The following SPIDR variants were observed in gnomAD, a reference collection of about 807,000 sequenced individuals.
SPIDR encodes DNA repair-scaffolding protein.
SPIDR carries 93 observed loss-of-function variants against 104.6 expected under a neutral mutation model. The ratio of observed to expected loss-of-function variants is 0.89; its 90% CI spans 0.75 to 1.06. SPIDR has a LOEUF of 1.06. Ranked by LOEUF, SPIDR falls within the 50% of genes least tolerant of loss-of-function variation. The pLI, the probability that SPIDR is intolerant of heterozygous loss-of-function variation, is 0.00. For synonymous variants in SPIDR, 431 were observed against 416.9 expected (o/e 1.03, Z -0.41); for missense variants, 1,154 against 1,111.2 (o/e 1.04, Z -0.55).
intron 11 of SPIDR, among the ~76,000 whole-genome samples, chr8:47,693,994 G>T (rs16930230): frequency 6.6e-6 from 1 of 152,048 alleles, no homozygotes; most frequent in Non-Finnish European, 1.5e-5. Context: ...GCTCCTTTCC[G>T]GTCCAGAGAG....
chr8:47,358,448 A>C lies in SPIDR; in HGVS notation c.526-37928A>C, dbSNP rs138955818. 2.0e-5 allele frequency among the ~76,000 whole-genome samples: 3 copies of C among 152,230 alleles called. No homozygotes were observed. In the East Asian group the frequency reaches 5.8e-4, roughly 29 times the overall value. ...GAGAGATTATCTTATTTTTTTCTCA[A>C]ATACCTTATGTTAGAAATGATAAAT... On this transcript the variant is annotated intron_variant, in intron 5 of 19. Transcript: ENST00000297423.
intron 8 of SPIDR, among the ~76,000 whole-genome samples, chr8:47,546,625 T>C (rs961313562): frequency 4.6e-5 from 7 of 152,158 alleles, no homozygotes; most frequent in African/African-American, 1.7e-4. Flanking sequence ...TTATTTCCTT[T>C]TCTCAGCTTG....
chr8:47,596,757 A>G lies in SPIDR; in HGVS notation c.1293+751A>G, dbSNP rs1159930596. On this transcript the variant is annotated intron_variant, in intron 9 of 19. Coordinates refer to ENST00000297423, the MANE Select transcript of SPIDR (RefSeq NM_001080394.4). ...TTAACTTTTTTACTCTTTTATAGCA[A>G]CACTTAGCTTACAACACAAATACAT... Among the ~76,000 whole-genome samples the G allele has an allele frequency of 2.0e-5, 3 of 152,198 alleles. No individual in the cohort carries two copies. The East Asian group carries it at 5.8e-4, about 29-fold the overall frequency.
At chr8:47,582,714 A>G (rs2059830877) in intron 8 of SPIDR, among the ~76,000 whole-genome samples, 1 of 152,054 alleles carries the variant, frequency 6.6e-6, no homozygotes, top group East Asian at 1.9e-4. Context: ...TAAAAAAAGC[A>G]GCCAGGTGTG....
chr8:47,393,968 G>T (rs1008405191), intron 5 of SPIDR, among the ~76,000 whole-genome samples: 1 of 151,652 alleles, frequency 6.6e-6, no homozygotes, highest in Non-Finnish European at 1.5e-5. Flanking sequence ...GCAGTGGTGT[G>T]ATCTTAGCTC....
intron 8 of SPIDR, among the ~76,000 whole-genome samples, chr8:47,521,222 G>A (rs1241600796): frequency 6.6e-6 from 1 of 152,168 alleles, no homozygotes; most frequent in Non-Finnish European, 1.5e-5. Flanking sequence ...AGTTTTACCA[G>A]AGATTTAATT....
In SPIDR at chr8:47,342,328, C is replaced by CTTT. The variant is rs11357859; in HGVS notation, c.525+48322_525+48324dup. On this transcript the variant is annotated intron_variant, in intron 5 of 19. Transcript: ENST00000297423. ...CATCTTCTATTGTACTTTCAAAGGT[C>CTTT]TTTTTTTTTTTTTTTTTTTTTTTTT... Among the ~76,000 whole-genome samples the CTTT allele has an allele frequency of 9.3e-4, 64 of 68,960 alleles. 3 individuals are homozygous for CTTT. Among genetic ancestry groups the CTTT allele is most frequent in the African/African-American group, 2.2e-3 (35 of 15,612 alleles). The allele number at this position is 68,960 out of a possible 152,430, so 45.2% of individuals were successfully genotyped here. A position where few individuals can be genotyped will look rare whatever the true frequency, so the allele number is the denominator to read the frequency against.
At chr8:47,590,255 A>T (rs1284246844) in intron 8 of SPIDR, among the ~76,000 whole-genome samples, 1 of 152,074 alleles carries the variant, frequency 6.6e-6, no homozygotes, top group African/African-American at 2.4e-5. Context: ...TGAGGTAAGA[A>T]CTTAGATTAT....
intron 11 of SPIDR, among the ~76,000 whole-genome samples, chr8:47,695,027 G>T (rs573739690): frequency 1.2e-4 from 18 of 152,208 alleles, no homozygotes; most frequent in Admixed American, 2.0e-4. Context: ...TCTCTTCACT[G>T]GTTGAACAGG....
chr8:47,310,950 C>T (rs1554584680), intron 5 of SPIDR, among the ~76,000 whole-genome samples: 1 of 152,138 alleles, frequency 6.6e-6, no homozygotes, highest in African/African-American at 2.4e-5. Flanking sequence ...CACACACATA[C>T]ACAAACAGAA....
chr8:47,456,290 A>G lies in SPIDR; in HGVS notation c.1097+15748A>G, dbSNP rs537014529. On this transcript the variant is annotated intron_variant, in intron 8 of 19. Transcript: ENST00000297423. ...CACCTAGAGAAAGTGCCATGTGGGG[A>G]CACAGTGAGAGAGACAAGCCAAGGA... Among the ~76,000 whole-genome samples the G allele has an allele frequency of 3.3e-5, 5 of 152,270 alleles. No individual in the cohort carries two copies. The South Asian group carries it at 1.0e-3, about 32-fold the overall frequency.
At chr8:47,542,543 A>C (rs1564279931) in intron 8 of SPIDR, among the ~76,000 whole-genome samples, 1 of 152,156 alleles carries the variant, frequency 6.6e-6, no homozygotes, top group Non-Finnish European at 1.5e-5. Flanking sequence ...AAATCAAAGC[A>C]CTTCCCCTGC....
In SPIDR at chr8:47,590,304, G is replaced by A. The variant is rs570884290; in HGVS notation, c.1098-5507G>A. Among the ~76,000 whole-genome samples, 420 of 151,982 alleles carry A rather than the reference G, an allele frequency of 2.8e-3. 1 individual carries two copies. Among genetic ancestry groups the A allele is most frequent in the African/African-American group, 9.9e-3 (410 of 41,450 alleles). Reference sequence around the variant, plus strand: ...TTTTCTTTTTTAATGTAAGCTTTAAGTTCTGTAAAATTTCCTCTCAGTATC... The same window carrying A: ...TTTTCTTTTTTAATGTAAGCTTTAAATTCTGTAAAATTTCCTCTCAGTATC... On this transcript the variant is annotated intron_variant, in intron 8 of 19. Transcript: ENST00000297423.
intron 8 of SPIDR, among the ~76,000 whole-genome samples, chr8:47,590,464 G>C (rs778051748): frequency 2.0e-5 from 3 of 152,118 alleles, no homozygotes; most frequent in Non-Finnish European, 4.4e-5. Context: ...TAATTTCAAA[G>C]TGTTTGGAGA....
At chr8:47,679,912 G>C (rs914494868) in intron 11 of SPIDR, among the ~76,000 whole-genome samples, 26 of 152,372 alleles carry the variant, frequency 1.7e-4, no homozygotes, top group African/African-American at 6.0e-4. Context: ...GTATTTGTGG[G>C]ATGCACATTA....
chr8:47,426,407 CTT>C (rs11348442), intron 7 of SPIDR, among the ~76,000 whole-genome samples: 22 of 149,360 alleles, frequency 1.5e-4, no homozygotes, highest in Admixed American at 2.7e-4. Flanking sequence ...TTTGGCTTAT[CTT>C]TTTTTTTTTT....
chr8:47,311,047 C>T (rs1554584742), intron 5 of SPIDR, among the ~76,000 whole-genome samples: 1 of 152,100 alleles, frequency 6.6e-6, no homozygotes, highest in African/African-American at 2.4e-5. Flanking sequence ...GCTGTTATAA[C>T]TCTTCTTAAG....
chr8:47,481,551 G>C (rs899616348), intron 8 of SPIDR, among the ~76,000 whole-genome samples: 13 of 152,198 alleles, frequency 8.5e-5, no homozygotes, highest in Non-Finnish European at 8.8e-5. Flanking sequence ...TGAGGCAGGA[G>C]AATCGCCTGA....
chr8:47,626,402 C>G (rs1225256373), intron 10 of SPIDR, among the ~76,000 whole-genome samples: 1 of 152,152 alleles, frequency 6.6e-6, no homozygotes, highest in African/African-American at 2.4e-5. Context: ...TCTAATTAAA[C>G]TAAAGAGCTT....
Sources: allele counts gnomAD v4.1 joint callset (sites outside exome capture counted in the v4.1 genomes callset), GRCh38; gene constraint gnomAD v4.1.1; transcripts MANE v1.5; gene names NCBI Gene and HGNC (gene_info 2026-07-23, HGNC 2026-07-21).